Variants in SDK1 observed in about 807,000 individuals in gnomAD.
The protein encoded by SDK1 is protein sidekick-1.
A neutral mutation model predicts 245.5 loss-of-function variants in SDK1; 157 were observed. That is an observed-to-expected ratio of 0.64 (90% CI 0.56 to 0.73). The LOEUF is 0.73. Among genes scored for constraint, SDK1 ranks in the 30% least tolerant of loss-of-function variants. The pLI, the probability that SDK1 is intolerant of heterozygous loss-of-function variation, is 0.00. For missense variants in SDK1, 3,583 were observed against 3,002.3 expected (o/e 1.19, Z -4.52); for synonymous variants, 1,647 against 1,278.5 (o/e 1.29, Z -6.15).
intron 35 of SDK1, among the ~76,000 whole-genome samples, chr7:4,179,657 G>A (rs903037347): frequency 1.1e-4 from 17 of 151,998 alleles, no homozygotes; most frequent in East Asian, 3.9e-4. Flanking sequence ...ACCGAGGTAC[G>A]GCTCAGCTTT....
intron 8 of SDK1, among the ~76,000 whole-genome samples, chr7:3,961,429 C>G (rs1293298676): frequency 1.3e-5 from 2 of 152,202 alleles, no homozygotes; most frequent in African/African-American, 4.8e-5. Context: ...TACCCACACG[C>G]CATCTTAAAT....
intron 44 of SDK1, among the ~76,000 whole-genome samples, chr7:4,256,065 G>A (rs1275783914): frequency 1.3e-5 from 2 of 151,846 alleles, no homozygotes; most frequent in Non-Finnish European, 2.9e-5. Flanking sequence ...GATCACAGGT[G>A]TGCGCCACCA....
At chr7:3,349,008 T>A (rs978213913) in intron 1 of SDK1, among the ~76,000 whole-genome samples, 2 of 152,156 alleles carry the variant, frequency 1.3e-5, no homozygotes, top group African/African-American at 4.8e-5. Context: ...TGCATGTCAC[T>A]GTGGCATTTA....
chr7:3,611,034 T>G (rs912428519), intron 1 of SDK1, among the ~76,000 whole-genome samples: 1 of 152,234 alleles, frequency 6.6e-6, no homozygotes, highest in Non-Finnish European at 1.5e-5. Flanking sequence ...ATAAGAGATA[T>G]ATTCTTTCAA....
intron 5 of SDK1, among the ~76,000 whole-genome samples, chr7:3,868,861 C>T (rs537025103): frequency 1.3e-5 from 2 of 152,262 alleles, no homozygotes; most frequent in African/African-American, 4.8e-5. Flanking sequence ...GAAACATTGA[C>T]CCTGCTTGCT....
intron 4 of SDK1, among the ~76,000 whole-genome samples, chr7:3,747,082 C>A (rs1779646712): frequency 6.6e-6 from 1 of 152,194 alleles, no homozygotes; most frequent in Non-Finnish European, 1.5e-5. Context: ...AACCAACATT[C>A]ATCTCCATGA....
At chr7:3,736,364 C>T (rs1235552927) in intron 4 of SDK1, among the ~76,000 whole-genome samples, 9 of 152,172 alleles carry the variant, frequency 5.9e-5, no homozygotes, top group Non-Finnish European at 1.2e-4. Context: ...CACGTCTCGG[C>T]TCACTGCGAG....
At chr7:3,934,918 C>T (rs1016710183) in intron 5 of SDK1, among the ~76,000 whole-genome samples, 3 of 152,188 alleles carry the variant, frequency 2.0e-5, no homozygotes, top group Admixed American at 6.5e-5. Flanking sequence ...GGTTCAGCCC[C>T]GAGGCAACCC....
chr7:3,834,214 A>G (rs1391381922), intron 5 of SDK1, among the ~76,000 whole-genome samples: 1 of 152,114 alleles, frequency 6.6e-6, no homozygotes, highest in Non-Finnish European at 1.5e-5. Context: ...CCCTTTAAAC[A>G]CTCAGACTAC....
chr7:3,909,003 C>G (rs1779060004), intron 5 of SDK1, among the ~76,000 whole-genome samples: 1 of 152,098 alleles, frequency 6.6e-6, no homozygotes, highest in Non-Finnish European at 1.5e-5. Flanking sequence ...CTGCCCCCTG[C>G]TCAAGTGAGC....
At chr7:3,869,711 C>T (rs1311372626) in intron 5 of SDK1, among the ~76,000 whole-genome samples, 1 of 152,178 alleles carries the variant, frequency 6.6e-6, no homozygotes, top group Admixed American at 6.5e-5. Flanking sequence ...ATTTTGAGAT[C>T]TCACCTGACA....
At chr7:3,436,559 G>A (rs1780028240) in intron 1 of SDK1, among the ~76,000 whole-genome samples, 1 of 151,850 alleles carries the variant, frequency 6.6e-6, no homozygotes, top group Non-Finnish European at 1.5e-5. Flanking sequence ...TGGCAACTGA[G>A]GTGATAAAAA....
chr7:4,047,214 A>G (rs1434600156), intron 17 of SDK1, among the ~76,000 whole-genome samples: 1 of 152,100 alleles, frequency 6.6e-6, no homozygotes, highest in Non-Finnish European at 1.5e-5. Flanking sequence ...TGATTATTAA[A>G]TTTTGCCGAA....
chr7:3,664,491 C>T (rs191887494), intron 4 of SDK1, among the ~76,000 whole-genome samples: 25 of 152,238 alleles, frequency 1.6e-4, no homozygotes, highest in African/African-American at 5.8e-4. Context: ...GTAAACCCAG[C>T]ACTTTGGGAG....
chr7:4,013,131 G>A (rs972541478), intron 16 of SDK1, among the ~76,000 whole-genome samples: 1 of 152,222 alleles, frequency 6.6e-6, no homozygotes. Context: ...CTGCAGGCCA[G>A]ATGTGGCTGA....
At chr7:3,697,935 G>T (rs1784622336) in intron 4 of SDK1, among the ~76,000 whole-genome samples, 1 of 152,196 alleles carries the variant, frequency 6.6e-6, no homozygotes, top group Admixed American at 6.5e-5. Flanking sequence ...AGCATAGGAA[G>T]ATACTGAACA....
intron 1 of SDK1, among the ~76,000 whole-genome samples, chr7:3,442,033 C>T (rs1303508762): frequency 6.6e-6 from 1 of 152,154 alleles, no homozygotes; most frequent in Non-Finnish European, 1.5e-5. Flanking sequence ...TGCCAGTTGA[C>T]CGTTACGTGT....
At chr7:3,970,308 G>A (rs1209241303) in intron 11 of SDK1, among the ~76,000 whole-genome samples, 1 of 152,144 alleles carries the variant, frequency 6.6e-6, no homozygotes, top group Admixed American at 6.6e-5. Context: ...CTATCATATG[G>A]TTGGTGTCCA....
intron 5 of SDK1, among the ~76,000 whole-genome samples, chr7:3,879,620 G>A (rs573103462): frequency 7.9e-5 from 12 of 152,310 alleles, no homozygotes; most frequent in Admixed American, 5.9e-4. Context: ...CATTCGCTGC[G>A]TGTCCAGGAT....
Sources: allele counts gnomAD v4.1 joint callset (sites outside exome capture counted in the v4.1 genomes callset), GRCh38; gene constraint gnomAD v4.1.1; transcripts MANE v1.5; gene names NCBI Gene and HGNC (gene_info 2026-07-23, HGNC 2026-07-21).